MTHFD1L: variants seen among roughly 807,000 people sequenced by gnomAD.
MTHFD1L encodes methylenetetrahydrofolate dehydrogenase (NADP+ dependent) 1 like.
A neutral mutation model predicts 119.5 loss-of-function variants in MTHFD1L; 81 were observed. That is an observed-to-expected ratio of 0.68 (90% CI 0.57 to 0.82). The LOEUF is 0.82. Ranked by LOEUF, MTHFD1L falls within the 40% of genes least tolerant of loss-of-function variation. The pLI is 0.00. For synonymous variants in MTHFD1L, 430 were observed against 475.2 expected (o/e 0.90, Z 1.24); for missense variants, 1,125 against 1,253.4 (o/e 0.90, Z 1.55).
At chr6:150,984,640 A>G (rs1342319708) in intron 20 of MTHFD1L, among the ~76,000 whole-genome samples, 1 of 152,064 alleles carries the variant, frequency 6.6e-6, no homozygotes, top group Non-Finnish European at 1.5e-5. Context: ...AATTTTGTAT[A>G]TGATGATGTT....
In MTHFD1L at chr6:150,905,877, T is replaced by C. The variant is rs757539069; in HGVS notation, c.892+116T>C. 4.9e-4 allele frequency: 389 copies of C among 798,294 alleles called. 2 individuals are homozygous for C. The highest frequency in any genetic ancestry group is 1.3e-4 in the Non-Finnish European group (61 of 478,858). 49.5% of individuals were successfully genotyped at this position (798,294 alleles called of 1,614,324 possible). A position where few individuals can be genotyped will look rare whatever the true frequency, so the allele number is the denominator to read the frequency against. On this transcript the variant is annotated intron_variant, in intron 8 of 27. Transcript: ENST00000367321. ...ATGTTAGCAGTCGTCAACATTAATA[T>C]ATAGGGTAGGAAACTTAGACTGTGG... is the stretch of plus-strand genomic sequence containing the variant.
chr6:151,064,392 A>C (rs1790990545), intron 26 of MTHFD1L, among the ~76,000 whole-genome samples: 1 of 151,988 alleles, frequency 6.6e-6, no homozygotes, highest in South Asian at 2.1e-4. Context: ...GGCTCATTGC[A>C]ACCTCCGCCC....
In MTHFD1L at chr6:150,865,946, G is replaced by A. The variant is rs2128704193; in HGVS notation, c.124G>A (p.Gly42Ser). ...CGGCGGCGGCGGAGGCGGCGGCGGT[G>A]GCCGGGAGGGCCTGCTTGGACAGCG... ...SSGGGGGGGG[G>S]REGLLGQRRP... The change falls in exon 1 of 28, where the codon GGC (glycine) becomes AGC (serine). Residue 42 changes from glycine (G) to serine (S), a missense_variant. Around this residue, in one of 3 missense-constraint regions of MTHFD1L, gnomAD observed 1,058 missense variants for 1,151.2 expected, o/e 0.92. Coordinates refer to ENST00000367321, the MANE Select transcript of MTHFD1L (RefSeq NM_015440.5). 2 of 1,225,056 alleles carry A rather than the reference G, an allele frequency of 1.6e-6. No homozygotes were observed. The highest frequency in any genetic ancestry group is 1.6e-5 in the African/African-American group (1 of 63,148). 75.9% of individuals were successfully genotyped at this position (1,225,056 alleles called of 1,614,324 possible). A position where few individuals can be genotyped will look rare whatever the true frequency, so the allele number is the denominator to read the frequency against.
chr6:150,963,030 C>G (rs1018639291), intron 18 of MTHFD1L, among the ~76,000 whole-genome samples: 4 of 151,680 alleles, frequency 2.6e-5, no homozygotes, highest in African/African-American at 4.9e-5. Context: ...ATTCTCCTGC[C>G]TCAGCCTCTC....
intron 15 of MTHFD1L, among the ~76,000 whole-genome samples, chr6:150,947,105 ATT>A (rs1252932014): frequency 1.4e-5 from 2 of 142,270 alleles, no homozygotes; most frequent in African/African-American, 5.1e-5. Flanking sequence ...AAAAATCACT[ATT>A]TTGTGTGTGT....
chr6:151,013,710 CTT>C, intron 21 of MTHFD1L, 67 bp from the exon 22 acceptor site: 1 of 1,371,884 alleles, frequency 7.3e-7, no homozygotes, highest in Non-Finnish European at 1.0e-6. Context: ...TTATGTTGTT[CTT>C]TCTTTCAGAT....
chr6:150,963,639 T>G (rs1184341557), intron 18 of MTHFD1L, among the ~76,000 whole-genome samples: 1 of 152,198 alleles, frequency 6.6e-6, no homozygotes, highest in African/African-American at 2.4e-5. Context: ...GTAACGCACT[T>G]TAGAGTGAGG....
At position 150,877,730 on chromosome 6, in the gene MTHFD1L, A is replaced by G. The variant is rs372072582; in HGVS notation, c.364-43A>G. 3.7e-6 allele frequency: 6 copies of G among 1,614,204 alleles called. No homozygotes were observed. The African/African-American group carries it at 6.7e-5, about 18-fold the overall frequency. The stretch of plus-strand genomic sequence containing the variant: ...AAAATTCACTATAACTTTTAACAAT[A>G]CATTCTCTTATAGTGACGAATAACC... On this transcript the variant is annotated intron_variant, in intron 3 of 27. Transcript: ENST00000367321.
chr6:151,045,496 G>T (rs1787857938), intron 26 of MTHFD1L, among the ~76,000 whole-genome samples: 1 of 152,142 alleles, frequency 6.6e-6, no homozygotes, highest in African/African-American at 2.4e-5. Context: ...CTTTGAAATG[G>T]CCCTCGTCTC....
At chr6:151,088,537 A>G (rs1227722548) in intron 26 of MTHFD1L, among the ~76,000 whole-genome samples, 2 of 150,732 alleles carry the variant, frequency 1.3e-5, no homozygotes, top group Admixed American at 1.3e-4. Flanking sequence ...GCTCACTGCA[A>G]CCTCTGCCTC....
intron 6 of MTHFD1L, 83 bp from the exon 7 acceptor site, chr6:150,887,762 G>T (rs770268186): frequency 7.0e-7 from 1 of 1,427,914 alleles, no homozygotes; most frequent in South Asian, 1.6e-5. Flanking sequence ...CAGCCTAAAA[G>T]GGTCTTTTTT....
chr6:150,921,959 A>G (rs1367026828), intron 9 of MTHFD1L, among the ~76,000 whole-genome samples: 1 of 152,252 alleles, frequency 6.6e-6, no homozygotes, highest in Non-Finnish European at 1.5e-5. Context: ...TTTTAATACT[A>G]TCAAACTCTT....
intron 8 of MTHFD1L, among the ~76,000 whole-genome samples, chr6:150,915,383 T>C (rs1562370205): frequency 6.6e-6 from 1 of 152,190 alleles, no homozygotes; most frequent in African/African-American, 2.4e-5. Context: ...CTGAAAACTT[T>C]AGATGTATCA....
chr6:151,041,347 C>T (rs1562582398), intron 26 of MTHFD1L, among the ~76,000 whole-genome samples: 1 of 152,160 alleles, frequency 6.6e-6, no homozygotes, highest in Non-Finnish European at 1.5e-5. Context: ...CATTCATCAC[C>T]CGTGTGGGAG....
chr6:150,982,250 A>G (rs866548338), intron 20 of MTHFD1L, among the ~76,000 whole-genome samples: 14 of 152,174 alleles, frequency 9.2e-5, no homozygotes, highest in Non-Finnish European at 1.5e-4. Context: ...GATGTAGACC[A>G]TATACAAAAC....
intron 20 of MTHFD1L, among the ~76,000 whole-genome samples, chr6:150,978,475 A>G (rs532638437): frequency 1.3e-5 from 2 of 152,224 alleles, no homozygotes; most frequent in Non-Finnish European, 2.9e-5. Context: ...GTACATGAGC[A>G]TAAACACTCA....
intron 6 of MTHFD1L, among the ~76,000 whole-genome samples, chr6:150,887,028 G>T (rs1450799411): frequency 6.7e-6 from 1 of 148,846 alleles, no homozygotes; most frequent in South Asian, 2.1e-4. Context: ...AAAATTCAAC[G>T]AACTAAATCT....
At chr6:151,089,092 CT>C (rs535302717) in intron 26 of MTHFD1L, among the ~76,000 whole-genome samples, 457 of 152,240 alleles carry the variant, frequency 3.0e-3, no homozygotes, top group Middle Eastern at 6.8e-3. Context: ...GAATTCTGCC[CT>C]TGCTGTGAAT....
intron 18 of MTHFD1L, among the ~76,000 whole-genome samples, chr6:150,963,315 C>T (rs1244567458): frequency 2.0e-5 from 3 of 151,596 alleles, no homozygotes; most frequent in Admixed American, 6.6e-5. Flanking sequence ...ATTCCAGTTA[C>T]GTAGGAATAT....
Sources: gnomAD v4.1 joint callset for allele counts (sites outside exome capture counted in the v4.1 genomes callset) on GRCh38, gnomAD v4.1.1 for gene constraint, gnomAD v4.1.1 regional missense constraint, MANE v1.5 for transcripts, NCBI Gene and HGNC (gene_info 2026-07-23, HGNC 2026-07-21) for gene names.